Variants in PRKN observed in about 807,000 individuals in gnomAD.
PRKN encodes E3 ubiquitin-protein ligase parkin.
In PRKN, 56 loss-of-function variants were observed where a neutral mutation model predicts 59.5. That is an observed-to-expected ratio of 0.94 (90% CI 0.76 to 1.18). The LOEUF is 1.18. PRKN is among the 50% of genes most tolerant of loss of function. PRKN has a pLI of 0.00. For synonymous variants in PRKN, 250 were observed against 222.1 expected, an observed-to-expected ratio of 1.13 and a Z score of -1.12; for missense variants, 657 against 596.4, an observed-to-expected ratio of 1.10 and a Z score of -1.06.
rs148302761 is a variant in PRKN at position 162,443,430 on chromosome 6, G to A, written c.51C>T (p.Val17=). ...FNSSHGFPVE[V]DSDTSIFQLK... ...GCTGGAAGATGCTGGTGTCAGAATC[G>A]ACCTCCACTGGGAAACCATGGCTGG... Residue 17 remains valine (V), a synonymous_variant, in exon 2 of 12, where the codon GTC becomes GTT. Transcript: ENST00000366898. 5.0e-5 allele frequency: 80 copies of A among 1,613,902 alleles called. No homozygotes were observed. The highest frequency in any genetic ancestry group is 1.6e-4 in the Middle Eastern group (1 of 6,076).
chr6:161,811,948 A>T (rs1388424007), intron 6 of PRKN, among the ~76,000 whole-genome samples: 1 of 151,930 alleles, frequency 6.6e-6, no homozygotes, highest in Non-Finnish European at 1.5e-5. Context: ...ATAAATAAAA[A>T]TTAAAAAAAA....
At chr6:161,831,735 T>C (rs1398473885) in intron 6 of PRKN, among the ~76,000 whole-genome samples, 1 of 152,136 alleles carries the variant, frequency 6.6e-6, no homozygotes. Flanking sequence ...TGCAGGTAAA[T>C]GTCAGCTGGC....
chr6:162,596,864 G>A (rs1371091948), intron 1 of PRKN, among the ~76,000 whole-genome samples: 3 of 152,114 alleles, frequency 2.0e-5, no homozygotes, highest in Non-Finnish European at 2.9e-5. Context: ...GACTTCCCAA[G>A]GAAAGGAAGC....
intron 3 of PRKN, among the ~76,000 whole-genome samples, chr6:162,220,664 T>C (rs547905676): frequency 1.3e-5 from 2 of 151,458 alleles, no homozygotes; most frequent in African/African-American, 4.9e-5. Flanking sequence ...GAAAAAAAAG[T>C]CAAGATGCAA....
At chr6:161,836,118 C>T (rs1401147526) in intron 6 of PRKN, among the ~76,000 whole-genome samples, 6 of 152,206 alleles carry the variant, frequency 3.9e-5, no homozygotes, top group Non-Finnish European at 8.8e-5. Context: ...TAGCAGCTAA[C>T]TCGGAGTGCG....
At chr6:162,593,342 G>A (rs1174088659) in intron 1 of PRKN, among the ~76,000 whole-genome samples, 4 of 152,158 alleles carry the variant, frequency 2.6e-5, no homozygotes, top group Non-Finnish European at 4.4e-5. Context: ...TGGATGGCAC[G>A]TCTATTTTGT....
chr6:161,528,494 C>A (rs796977450), intron 9 of PRKN, among the ~76,000 whole-genome samples: 9 of 152,270 alleles, frequency 5.9e-5, no homozygotes, highest in African/African-American at 1.9e-4. Flanking sequence ...TGGAGAACTC[C>A]CATTGAGAAA....
chr6:162,424,335 A>G (rs982043417), intron 2 of PRKN, among the ~76,000 whole-genome samples: 8 of 152,130 alleles, frequency 5.3e-5, no homozygotes, highest in African/African-American at 1.7e-4. Context: ...CCATGTCACT[A>G]AACATTTGTC....
chr6:162,167,160 T>G (rs1783026311), intron 4 of PRKN, among the ~76,000 whole-genome samples: 1 of 152,220 alleles, frequency 6.6e-6, no homozygotes, highest in Non-Finnish European at 1.5e-5. Flanking sequence ...CATTGTCAAA[T>G]GCAAGGTGTA....
At chr6:162,503,402 G>A (rs1793465774) in intron 1 of PRKN, among the ~76,000 whole-genome samples, 2 of 151,956 alleles carry the variant, frequency 1.3e-5, no homozygotes, top group Admixed American at 6.6e-5. Flanking sequence ...GACCTCAGGA[G>A]ATCTTCCTGC....
chr6:161,775,150 C>T (rs551467728), intron 7 of PRKN, among the ~76,000 whole-genome samples: 12 of 152,122 alleles, frequency 7.9e-5, no homozygotes, highest in Admixed American at 2.0e-4. Flanking sequence ...GCTTATAATA[C>T]GGATTGCCAA....
rs2128285534 is a variant in PRKN, at chr6:162,054,126, C to T, written c.583G>A (p.Glu195Lys). ...CCAGGGCAGTGTGGGGATTGGCATT[C>T]ACCACTCATCCGGTTTGGAATTAAA... ...DVLIPNRMSGECQSPHCPGTS... is the reference protein window; with the variant it reads ...DVLIPNRMSGKCQSPHCPGTS... The change falls in exon 5 of 12, where the codon GAA becomes AAA. Residue 195 changes from glutamate to lysine, a missense_variant. By Grantham distance (56) the Glu-to-Lys change is moderately conservative. Coordinates refer to ENST00000366898, the MANE Select transcript of PRKN (RefSeq NM_004562.3). 1 of 1,613,556 alleles carries T rather than the reference C, an allele frequency of 6.2e-7. No individual in the cohort carries two copies. Among genetic ancestry groups the T allele is most frequent in the Non-Finnish European group, 8.5e-7 (1 of 1,179,490 alleles).
At chr6:162,562,506 A>G (rs1469758864) in intron 1 of PRKN, among the ~76,000 whole-genome samples, 1 of 152,150 alleles carries the variant, frequency 6.6e-6, no homozygotes, top group Admixed American at 6.5e-5. Context: ...GGCATTCACT[A>G]CAAGCTGACT....
At chr6:161,364,844 T>C (rs554225793) in intron 10 of PRKN, among the ~76,000 whole-genome samples, 2 of 151,516 alleles carry the variant, frequency 1.3e-5, no homozygotes, top group African/African-American at 4.8e-5. Context: ...GGCAGGAGAA[T>C]TGCTTGAACC....
At chr6:162,360,779 G>T (rs16893740) in intron 2 of PRKN, among the ~76,000 whole-genome samples, 7,155 of 152,244 alleles carry the variant, frequency 0.047, 532 homozygotes, top group African/African-American at 0.16. Context: ...CCACGGGCCA[G>T]TGCTTACTAA....
At chr6:161,536,551 AC>A (rs1019727899) in intron 9 of PRKN, among the ~76,000 whole-genome samples, 2 of 152,128 alleles carry the variant, frequency 1.3e-5, no homozygotes, top group Admixed American at 6.6e-5. Flanking sequence ...ATAGAAACTT[AC>A]CCCTGCCAGC....
At chr6:162,350,431 G>C (rs1375294074) in intron 2 of PRKN, among the ~76,000 whole-genome samples, 1 of 152,118 alleles carries the variant, frequency 6.6e-6, no homozygotes, top group East Asian at 1.9e-4. Flanking sequence ...TAAATTTTTA[G>C]AACTAATCAA....
At chr6:161,904,661 G>T (rs562424587) in intron 6 of PRKN, among the ~76,000 whole-genome samples, 6 of 152,076 alleles carry the variant, frequency 3.9e-5, no homozygotes, top group South Asian at 2.1e-4. Context: ...AAGACCGCAG[G>T]GGGTGGGCCT....
At chr6:161,886,784 A>G (rs960807566) in intron 6 of PRKN, among the ~76,000 whole-genome samples, 9 of 151,256 alleles carry the variant, frequency 6.0e-5, no homozygotes, top group Non-Finnish European at 1.2e-4. Context: ...ATATTTAATA[A>G]TAAAATTCTA....
Sources: gnomAD v4.1 joint callset for allele counts (sites outside exome capture counted in the v4.1 genomes callset) on GRCh38, gnomAD v4.1.1 for gene constraint, MANE v1.5 for transcripts, NCBI Gene and HGNC (gene_info 2026-07-23, HGNC 2026-07-21) for gene names.